Variants in NCOA3 observed in about 807,000 individuals in gnomAD.
The protein encoded by NCOA3 is nuclear receptor coactivator 3.
In NCOA3, 51 loss-of-function variants were observed where a neutral mutation model predicts 158.8. The ratio of observed to expected loss-of-function variants is 0.32; its 90% CI spans 0.26 to 0.41. The LOEUF (loss-of-function observed/expected upper bound fraction) is 0.41. Ranked by LOEUF, NCOA3 falls within the 10% of genes least tolerant of loss-of-function variation. The pLI, the probability that NCOA3 is intolerant of heterozygous loss-of-function variation, is 1.00. For synonymous variants in NCOA3, 537 were observed against 592.4 expected (o/e 0.91, Z 1.36); for missense variants, 1,510 against 1,746.6 (o/e 0.86, Z 2.41).
At chr20:47,623,536 C>T (rs2086273873) in intron 3 of NCOA3, among the ~76,000 whole-genome samples, 1 of 152,066 alleles carries the variant, frequency 6.6e-6, no homozygotes. Context: ...GCCTGTAATC[C>T]CAGCACTCTG....
intron 19 of NCOA3, 67 bp downstream of exon 19, chr20:47,649,176 C>G: frequency 2.1e-6 from 2 of 945,054 alleles, no homozygotes; most frequent in Non-Finnish European, 3.2e-6. Flanking sequence ...CTGTGGTTGG[C>G]TCTCAGTAAA....
Position 47,647,317 on chromosome 20 carries a change from C to T in NCOA3, c.3497C>T (p.Thr1166Ile), listed in dbSNP as rs1568755122. Residue 1166 changes from threonine to isoleucine, a missense_variant, in exon 18 of 23, where the codon ACC (threonine) becomes ATC (isoleucine). Physicochemically the swap from Thr to Ile is moderately conservative, Grantham distance 89. Transcript: ENST00000371998. Reference sequence around the variant, plus strand: ...AACATCATGAGACCCCGGACAAACACCCCCAAGCAACTTAGAATGCAGCTT... The same window carrying T: ...AACATCATGAGACCCCGGACAAACATCCCCAAGCAACTTAGAATGCAGCTT... ...RANIMRPRTN[T>I]PKQLRMQLQQ... The T allele has an allele frequency of 6.2e-7, 1 of 1,614,176 alleles. No homozygotes were observed. Among genetic ancestry groups the T allele is most frequent in the East Asian group, 2.2e-5 (1 of 44,888 alleles).
intron 1 of NCOA3, among the ~76,000 whole-genome samples, chr20:47,525,630 C>T (rs796996851): frequency 1.4e-5 from 2 of 140,388 alleles, no homozygotes; most frequent in Non-Finnish European, 3.1e-5. Context: ...CCCCACCTCC[C>T]TCCCGGACGG....
intron 22 of NCOA3, 122 bp downstream of exon 22, chr20:47,653,194 T>C (rs1337564997): frequency 3.8e-6 from 5 of 1,303,114 alleles, no homozygotes; most frequent in South Asian, 3.0e-5. Context: ...ACTTAAAATA[T>C]AGTAATTGAA....
chr20:47,647,905 GTTTGTTTTGT>G (rs2086715456), intron 18 of NCOA3, among the ~76,000 whole-genome samples: 1 of 123,284 alleles, frequency 8.1e-6, no homozygotes, highest in South Asian at 2.7e-4. Flanking sequence ...TTGTTTGTTT[GTTTGTTTTGT>G]TTTGTTTTTT....
At position 47,594,068 on chromosome 20, in the gene NCOA3, A is replaced by G. The variant is rs138833095; in HGVS notation, c.-20+10807A>G. 2.4e-3 allele frequency among the ~76,000 whole-genome samples: 369 copies of G among 152,332 alleles called. 1 individual carries two copies. Among genetic ancestry groups the G allele is most frequent in the Non-Finnish European group, 3.8e-3 (256 of 68,022 alleles). On this transcript the variant is annotated intron_variant, in intron 2 of 22. Coordinates refer to ENST00000371998, the MANE Select transcript of NCOA3 (RefSeq NM_181659.3). ...CAAACAACTTAAGTGAATTGTTTTT[A>G]GGTTTGTATTGCCTTATGTATAAAA... is the stretch of plus-strand genomic sequence containing the variant.
At position 47,633,571 on chromosome 20, in the gene NCOA3, G is replaced by A. The variant is rs760846361; in HGVS notation, c.899G>A (p.Cys300Tyr). Residue 300 changes from cysteine (C) to tyrosine (Y), a missense_variant, in exon 9 of 23, where the codon TGT becomes TAT. Physicochemically the swap from Cys to Tyr is radical, Grantham distance 194. Coordinates refer to ENST00000371998, the MANE Select transcript of NCOA3 (RefSeq NM_181659.3). The part of the protein sequence containing the change: ...RPGFEDIIRR[C>Y]IQRFFSLNDG... ...GGCTTTGAAGATATAATCCGAAGGT[G>A]TATTCAGAGATTTTTTAGTCTAAAT... 6.2e-7 allele frequency: 1 copy of A among 1,613,766 alleles called. No individual in the cohort carries two copies. The highest frequency in any genetic ancestry group is 8.5e-7 in the Non-Finnish European group (1 of 1,179,670).
intron 1 of NCOA3, among the ~76,000 whole-genome samples, chr20:47,564,476 C>G (rs780033206): frequency 1.3e-5 from 2 of 151,996 alleles, no homozygotes. Context: ...ACTGAAATCT[C>G]TCACCTCAAG....
intron 1 of NCOA3, among the ~76,000 whole-genome samples, chr20:47,512,408 AAAATAAAAAATTAGCCGGGCATG>A (rs2146057369): frequency 3.3e-5 from 5 of 151,998 alleles, no homozygotes; most frequent in Admixed American, 2.6e-4. Context: ...GTCTCTACTG[AAAATAAAAAATTAGCCGGGCATG>A]GTGGCACATG....
rs1556556868 is a variant in NCOA3, at chr20:47,512,587, A to AAC, written c.-99+10569_-99+10570insCA. Among the ~76,000 whole-genome samples, 57 of 144,544 alleles carry AAC rather than the reference A, an allele frequency of 3.9e-4. 3 individuals carry two copies. The highest frequency in any genetic ancestry group is 6.1e-4 in the African/African-American group (24 of 39,468). 94.8% of individuals were successfully genotyped at this position (144,544 alleles called of 152,430 possible). A position where few individuals can be genotyped will look rare whatever the true frequency, so the allele number is the denominator to read the frequency against. ...GTCTCACTAAAAAAAAAAAAAAAAA[A>AAC]AACACAAAAGATATATACAGAGACT... On this transcript the variant is annotated intron_variant, in intron 1 of 22. Transcript: ENST00000371998.
chr20:47,565,904 A>G (rs902548854), intron 1 of NCOA3, among the ~76,000 whole-genome samples: 1 of 152,186 alleles, frequency 6.6e-6, no homozygotes. Flanking sequence ...CTAGCTTTGT[A>G]TGGTTCTTTC....
At chr20:47,648,395 C>T (rs1258222430) in intron 18 of NCOA3, among the ~76,000 whole-genome samples, 1 of 152,036 alleles carries the variant, frequency 6.6e-6, no homozygotes, top group East Asian at 1.9e-4. Context: ...AAGGTATTTC[C>T]CCATGTGCCC....
Position 47,647,286 on chromosome 20 carries a change from C to T in NCOA3, c.3466C>T (p.Arg1156Ter), listed in dbSNP as rs1242786925. ...GNFPLQGMHP[R>*]ANIMRPRTNT... ...TTTTCCTCTCCAAGGAATGCACCCACGAGCCAACATCATGAGACCCCGGAC... is the reference window on the plus strand; with the variant it reads ...TTTTCCTCTCCAAGGAATGCACCCATGAGCCAACATCATGAGACCCCGGAC... Residue 1156 changes from arginine to a stop codon, truncating the protein, a stop_gained, in exon 18 of 23, where the codon CGA (arginine) becomes TGA (stop). Transcript: ENST00000371998. LOFTEE classifies it high-confidence loss of function. 6 of 1,614,182 alleles carry T rather than the reference C, an allele frequency of 3.7e-6. No individual in the cohort carries two copies. The highest frequency in any genetic ancestry group is 3.3e-5 in the Admixed American group (2 of 60,024).
chr20:47,645,356 G>A (rs2086670486), intron 17 of NCOA3, among the ~76,000 whole-genome samples: 1 of 151,968 alleles, frequency 6.6e-6, no homozygotes, highest in Non-Finnish European at 1.5e-5. Flanking sequence ...TCAGCACCAT[G>A]CTCTGATCCC....
At chr20:47,647,927 T>TG (rs940830591) in intron 18 of NCOA3, among the ~76,000 whole-genome samples, 2 of 150,650 alleles carry the variant, frequency 1.3e-5, no homozygotes, top group African/African-American at 4.9e-5. Context: ...TTGTTTTTTT[T>TG]TTTTTGAGGT....
chr20:47,607,028 C>T (rs898459587), intron 2 of NCOA3, among the ~76,000 whole-genome samples: 2 of 152,174 alleles, frequency 1.3e-5, no homozygotes, highest in African/African-American at 4.8e-5. Context: ...TACTTTAACT[C>T]AGTGAACCAG....
chr20:47,514,675 T>A (rs1264620845), intron 1 of NCOA3, among the ~76,000 whole-genome samples: 1 of 150,900 alleles, frequency 6.6e-6, no homozygotes, highest in Admixed American at 6.6e-5. Flanking sequence ...ATCACAGGTG[T>A]GCTGTTTTTT....
chr20:47,601,177 G>A (rs2085856549), intron 2 of NCOA3, among the ~76,000 whole-genome samples: 1 of 152,216 alleles, frequency 6.6e-6, no homozygotes, highest in South Asian at 2.1e-4. Context: ...AGAGGAAGGG[G>A]AAGCAGGCAT....
At chr20:47,560,927 G>A (rs2085091244) in intron 1 of NCOA3, among the ~76,000 whole-genome samples, 1 of 149,332 alleles carries the variant, frequency 6.7e-6, no homozygotes, top group African/African-American at 2.5e-5. Flanking sequence ...GTGTACCTGA[G>A]CAGTGTACAC....
Sources: allele counts gnomAD v4.1 joint callset (sites outside exome capture counted in the v4.1 genomes callset), GRCh38; gene constraint gnomAD v4.1.1; transcripts MANE v1.5; gene names NCBI Gene and HGNC (gene_info 2026-07-23, HGNC 2026-07-21).